CALN1: variants seen among roughly 807,000 people sequenced by gnomAD.
The protein encoded by CALN1 is calneuron 1, also known as calcium-binding protein 8.
CALN1 carries 17 observed loss-of-function variants against 30.6 expected under a neutral mutation model. That is an observed-to-expected ratio of 0.56 (90% CI 0.38 to 0.83). The LOEUF is 0.83. Ranked by LOEUF, CALN1 falls within the 40% of genes least tolerant of loss-of-function variation. The pLI is 0.00. For synonymous variants in CALN1, 156 were observed against 131.4 expected (o/e 1.19, Z -1.28); for missense variants, 291 against 354.9 (o/e 0.82, Z 1.45).
intron 4 of CALN1, among the ~76,000 whole-genome samples, chr7:72,045,537 T>A (rs1197672850): frequency 6.6e-6 from 1 of 152,180 alleles, no homozygotes; most frequent in African/African-American, 2.4e-5. Flanking sequence ...TTCTTCCTTT[T>A]CTTTTTTTGG....
At chr7:72,276,279 C>G (rs1797326751) in intron 3 of CALN1, among the ~76,000 whole-genome samples, 1 of 152,194 alleles carries the variant, frequency 6.6e-6, no homozygotes, top group Admixed American at 6.5e-5. Flanking sequence ...TAATGTACCA[C>G]CTGCCCTAAT....
the CALN1 span, among the ~76,000 whole-genome samples, chr7:72,479,421 G>GT: frequency 2.4e-4 from 37 of 151,846 alleles, no homozygotes; most frequent in African/African-American, 9.0e-4. Flanking sequence ...TCTATTTGTA[G>GT]TTTTTTATCA....
chr7:72,312,332 A>G (rs947776785), intron 2 of CALN1, among the ~76,000 whole-genome samples: 2 of 149,620 alleles, frequency 1.3e-5, no homozygotes, highest in African/African-American at 2.5e-5. Flanking sequence ...TGAACCCAGC[A>G]GGCAGAGGTT....
At chr7:72,382,331 G>A (rs1001781423) in intron 2 of CALN1, among the ~76,000 whole-genome samples, 6 of 152,200 alleles carry the variant, frequency 3.9e-5, no homozygotes, top group African/African-American at 1.2e-4. Context: ...CGTCAGGCAA[G>A]AAATAAAGAG....
At position 71,784,116 on chromosome 7, in the gene CALN1, A is replaced by C. The variant is rs735368; in HGVS notation, c.*3659T>G. The C allele has an allele frequency of 1.3e-5, 2 of 151,906 alleles. No individual in the cohort carries two copies. Among genetic ancestry groups the C allele is most frequent in the Non-Finnish European group, 2.9e-5 (2 of 68,004 alleles). The allele number at this position is 151,906 out of a possible 1,614,324, so 9.4% of individuals were successfully genotyped here. A position where few individuals can be genotyped will look rare whatever the true frequency, so the allele number is the denominator to read the frequency against. On this transcript the variant is annotated 3_prime_UTR_variant, in exon 7 of 7. Transcript: ENST00000395275. The stretch of plus-strand genomic sequence containing the variant: ...TGCCTTCCAAGATGATATTTCTGTC[A>C]ATTTACCTAGATTAAGGGGTCCTGG...
intron 2 of CALN1, among the ~76,000 whole-genome samples, chr7:72,298,318 C>T (rs1010770597): frequency 6.6e-6 from 1 of 152,166 alleles, no homozygotes; most frequent in Non-Finnish European, 1.5e-5. Flanking sequence ...CAAAAGCCAC[C>T]TGCAGCCATC....
At chr7:71,816,401 G>C (rs1788267656) in intron 5 of CALN1, among the ~76,000 whole-genome samples, 1 of 152,040 alleles carries the variant, frequency 6.6e-6, no homozygotes, top group South Asian at 2.1e-4. Context: ...TTTGGCTTTG[G>C]GGAAAAACCT....
chr7:71,868,967 A>G (rs1791761016), intron 5 of CALN1, among the ~76,000 whole-genome samples: 1 of 152,168 alleles, frequency 6.6e-6, no homozygotes, highest in Non-Finnish European at 1.5e-5. Flanking sequence ...TCAGCTGACC[A>G]AACTGTCATC....
At chr7:72,182,849 T>A (rs1789917307) in intron 3 of CALN1, among the ~76,000 whole-genome samples, 1 of 150,872 alleles carries the variant, frequency 6.6e-6, no homozygotes, top group Non-Finnish European at 1.5e-5. Flanking sequence ...GTTGTGACAA[T>A]TATATGGACA....
At chr7:72,365,424 T>C (rs1803821682) in intron 2 of CALN1, among the ~76,000 whole-genome samples, 1 of 152,108 alleles carries the variant, frequency 6.6e-6, no homozygotes, top group Non-Finnish European at 1.5e-5. Flanking sequence ...GCAAAGTGCA[T>C]AAAATGAGAA....
intron 4 of CALN1, among the ~76,000 whole-genome samples, chr7:72,029,900 C>T (rs1801327749): frequency 1.3e-5 from 2 of 152,190 alleles, no homozygotes; most frequent in African/African-American, 4.8e-5. Context: ...AGGAGGGAAC[C>T]TCTGATTTAT....
At chr7:72,415,446 T>C (rs1807392520), upstream of CALN1, among the ~76,000 whole-genome samples, 1 of 152,230 alleles carries the variant, frequency 6.6e-6, no homozygotes, top group Non-Finnish European at 1.5e-5. Flanking sequence ...ATTGTTGCTA[T>C]GAGTGAGTAT....
chr7:72,146,170 G>C (rs1249381694), intron 3 of CALN1, among the ~76,000 whole-genome samples: 1 of 152,174 alleles, frequency 6.6e-6, no homozygotes, highest in Non-Finnish European at 1.5e-5. Context: ...TAGGAAAAGA[G>C]GAAGTCAAAT....
At chr7:72,080,922 T>C (rs1454041207) in intron 4 of CALN1, among the ~76,000 whole-genome samples, 1 of 152,142 alleles carries the variant, frequency 6.6e-6, no homozygotes, top group Non-Finnish European at 1.5e-5. Flanking sequence ...AGCTTGTCCC[T>C]GTTTGTTGCT....
At chr7:72,436,045 A>G (rs1808147820) in intron 1 of CALN1, among the ~76,000 whole-genome samples, 1 of 152,200 alleles carries the variant, frequency 6.6e-6, no homozygotes, top group South Asian at 2.1e-4. Flanking sequence ...CTAAATGGCC[A>G]GCTTCCCTGT....
intron 5 of CALN1, among the ~76,000 whole-genome samples, chr7:71,846,046 C>T (rs955852230): frequency 3.3e-5 from 5 of 151,972 alleles, no homozygotes; most frequent in African/African-American, 7.3e-5. Context: ...GAGCCAAACT[C>T]GGTCTCCAAA....
chr7:72,248,802 C>T (rs1352533078), intron 3 of CALN1, among the ~76,000 whole-genome samples: 1 of 149,380 alleles, frequency 6.7e-6, no homozygotes, highest in African/African-American at 2.4e-5. Context: ...ACCACAACAT[C>T]TATTAAATTT....
chr7:71,914,342 A>G (rs1055795340), intron 5 of CALN1, among the ~76,000 whole-genome samples: 13 of 152,148 alleles, frequency 8.5e-5, no homozygotes, highest in Admixed American at 1.3e-4. Context: ...GCTAAGGATA[A>G]TGACCTCCAG....
intron 5 of CALN1, among the ~76,000 whole-genome samples, chr7:72,011,319 T>G (rs915491807): frequency 2.0e-5 from 3 of 151,456 alleles, no homozygotes; most frequent in Non-Finnish European, 4.4e-5. Flanking sequence ...AGGTCAGGAG[T>G]GTGGGGATCA....
Sources: gnomAD v4.1 joint callset for allele counts (sites outside exome capture counted in the v4.1 genomes callset) on GRCh38, gnomAD v4.1.1 for gene constraint, MANE v1.5 for transcripts, NCBI Gene and HGNC (gene_info 2026-07-23, HGNC 2026-07-21) for gene names.